ANKIB1: variants seen among roughly 807,000 people sequenced by gnomAD.
ANKIB1 encodes ankyrin repeat and IBR domain containing 1, also known as ankyrin repeat and IBR domain-containing protein 1.
Under a neutral mutation model 122.1 loss-of-function variants are expected in ANKIB1, and 43 were observed. The ratio of observed to expected loss-of-function variants is 0.35; its 90% confidence interval spans 0.28 to 0.45. The LOEUF is 0.45. Among genes scored for constraint, ANKIB1 ranks in the 20% least tolerant of loss-of-function variants. The pLI, the probability that ANKIB1 is intolerant of heterozygous loss-of-function variation, is 1.00. For missense variants in ANKIB1, 992 were observed against 1,329.5 expected (o/e 0.75, Z 3.95); for synonymous variants, 390 against 442.0 (o/e 0.88, Z 1.48).
chr7:92,323,417 T>C (rs1463995392), intron 4 of ANKIB1, among the ~76,000 whole-genome samples: 1 of 152,188 alleles, frequency 6.6e-6, no homozygotes, highest in African/African-American at 2.4e-5. Flanking sequence ...AAGAGAACTT[T>C]GTGTATTTTT....
chr7:92,260,211 A>G (rs1801532257), intron 1 of ANKIB1, among the ~76,000 whole-genome samples: 1 of 152,010 alleles, frequency 6.6e-6, no homozygotes, highest in Non-Finnish European at 1.5e-5. Context: ...TCTTGAGTTC[A>G]TATCCTACTA....
chr7:92,370,279 C>T (rs565177123), intron 10 of ANKIB1, among the ~76,000 whole-genome samples: 4 of 151,598 alleles, frequency 2.6e-5, no homozygotes, highest in Non-Finnish European at 2.9e-5. Context: ...GAGGCCGAGG[C>T]GGGCGGATCA....
chr7:92,339,646 G>A (rs544658987), intron 5 of ANKIB1, among the ~76,000 whole-genome samples: 5 of 152,264 alleles, frequency 3.3e-5, no homozygotes, highest in African/African-American at 1.2e-4. Flanking sequence ...ATAGGTACAA[G>A]CTCTGCCCTT....
rs869276384 is a variant in ANKIB1, at chr7:92,309,923, TAAAAAA to T, written c.486+2282_486+2287del. On this transcript the variant is annotated intron_variant, in intron 3 of 19. Transcript: ENST00000265742. ...CTGGGCAACAGAGCGAGACTCCATC[TAAAAAA>T]AAAAAAAAAAAAAATATATATATAT... is the stretch of plus-strand genomic sequence containing the variant. Among the ~76,000 whole-genome samples the T allele has an allele frequency of 5.1e-4, 49 of 96,040 alleles. 3 individuals carry two copies. Among genetic ancestry groups the T allele is most frequent in the Non-Finnish European group, 7.6e-4 (39 of 51,034 alleles). The allele number at this position is 96,040 out of a possible 152,430, so 63.0% of individuals were successfully genotyped here. A position where few individuals can be genotyped will look rare whatever the true frequency, so the allele number is the denominator to read the frequency against.
At chr7:92,370,029 G>A (rs1468047212) in intron 10 of ANKIB1, among the ~76,000 whole-genome samples, 1 of 152,188 alleles carries the variant, frequency 6.6e-6, no homozygotes, top group East Asian at 1.9e-4. Flanking sequence ...AGTTTGATTA[G>A]GGATGGAGGG....
intron 1 of ANKIB1, among the ~76,000 whole-genome samples, chr7:92,286,582 C>T (rs770401464): frequency 2.7e-5 from 4 of 150,712 alleles, no homozygotes; most frequent in Non-Finnish European, 5.9e-5. Flanking sequence ...TGGGTTTAAT[C>T]GATTCTCCTG....
chr7:92,322,525 T>C (rs1802933654), intron 4 of ANKIB1, among the ~76,000 whole-genome samples: 1 of 152,116 alleles, frequency 6.6e-6, no homozygotes, highest in Admixed American at 6.6e-5. Context: ...TGTAAAATAA[T>C]TTCTTCATCC....
intron 11 of ANKIB1, among the ~76,000 whole-genome samples, chr7:92,382,188 ACTAT>A (rs1804531442): frequency 6.6e-6 from 1 of 152,232 alleles, no homozygotes; most frequent in South Asian, 2.1e-4. Context: ...AGAAGAGCTA[ACTAT>A]CCTAAATATA....
chr7:92,365,788 C>CTTTTTTTT (rs59131137), intron 10 of ANKIB1, among the ~76,000 whole-genome samples: 2 of 58,298 alleles, frequency 3.4e-5, no homozygotes, highest in Non-Finnish European at 6.0e-5. Context: ...ATTAAATAAT[C>CTTTTTTTT]TTTTTTTTTT....
chr7:92,337,983 T>C (rs751715198), intron 5 of ANKIB1, among the ~76,000 whole-genome samples: 5 of 152,204 alleles, frequency 3.3e-5, no homozygotes, highest in Non-Finnish European at 5.9e-5. Flanking sequence ...TATTGCTATC[T>C]GAATGTGTTT....
chr7:92,371,521 TG>T lies in ANKIB1; in HGVS notation c.1533del (p.Trp511CysfsTer3). 1 of 1,607,184 alleles carries T rather than the reference TG, an allele frequency of 6.2e-7. No individual in the cohort carries two copies. The highest frequency in any genetic ancestry group is 8.5e-7 in the Non-Finnish European group (1 of 1,176,474). On this transcript the variant is annotated frameshift_variant, in exon 11 of 20. Coordinates refer to ENST00000265742, the MANE Select transcript of ANKIB1 (RefSeq NM_019004.2). LOFTEE classifies it high-confidence loss of function. Reference sequence around the variant, plus strand: ...CTACGAGGATGCCGCCAATTGTCTCTGGTTATTAACTAACTCCAAGCCTTGT... The same window carrying T: ...CTACGAGGATGCCGCCAATTGTCTCTGTTATTAACTAACTCCAAGCCTTGT... ...EAYEDAANCL[W>X]LLTNSKPCAN...
At chr7:92,329,279 G>A (rs1199296295) in intron 5 of ANKIB1, among the ~76,000 whole-genome samples, 1 of 151,862 alleles carries the variant, frequency 6.6e-6, no homozygotes, top group African/African-American at 2.4e-5. Context: ...CTTCAATATC[G>A]ATGTTTCTGA....
In ANKIB1 at chr7:92,357,324, T is replaced by C. The variant is rs182747134; in HGVS notation, c.1397+4682T>C. Among the ~76,000 whole-genome samples the C allele has an allele frequency of 5.1e-4, 77 of 152,308 alleles. 1 individual carries two copies. The East Asian group carries it at 0.013, about 26-fold the overall frequency. On this transcript the variant is annotated intron_variant, in intron 9 of 19. Coordinates refer to ENST00000265742, the MANE Select transcript of ANKIB1 (RefSeq NM_019004.2). ...TGTCTCTGGCTGAGATTCAGTATGC[T>C]GTGTCCTGAGATTCCCCTCCCCATA...
chr7:92,398,228 A>G lies in ANKIB1; in HGVS notation c.2549A>G (p.Asp850Gly). The G allele has an allele frequency of 6.3e-7, 1 of 1,592,734 alleles. No individual in the cohort carries two copies. The highest frequency in any genetic ancestry group is 1.1e-5 in the South Asian group (1 of 87,522). ...TTGCTTCAGGCTCTGAGTTCCTTGG[A>G]TGAAGACGATCCCAATATACTTCTT... ...QDSLQALSSL[D>G]EDDPNILLAI... The change falls in exon 20 of 20, where the codon GAT becomes GGT. Residue 850 changes from aspartate to glycine, a missense_variant. Around this residue, in one of 4 missense-constraint regions of ANKIB1, gnomAD observed 384 missense variants for 412.0 expected, o/e 0.93. Transcript: ENST00000265742.
At chr7:92,376,079 T>C (rs1201444973) in intron 11 of ANKIB1, among the ~76,000 whole-genome samples, 1 of 152,218 alleles carries the variant, frequency 6.6e-6, no homozygotes, top group Non-Finnish European at 1.5e-5. Context: ...CATAAACAGA[T>C]GGGCTGCCAT....
In ANKIB1 at chr7:92,398,855, G is replaced by T; in HGVS notation, c.3176G>T (p.Gly1059Val). 1 of 1,605,002 alleles carries T rather than the reference G, an allele frequency of 6.2e-7. No individual in the cohort carries two copies. The highest frequency in any genetic ancestry group is 8.5e-7 in the Non-Finnish European group (1 of 1,175,488). The change falls in exon 20 of 20, where the codon GGT (glycine) becomes GTT (valine). Residue 1059 changes from glycine (G) to valine (V), a missense_variant. Physicochemically the swap from Gly to Val is moderately radical, Grantham distance 109 (BLOSUM62 -3). Around this residue, in one of 4 missense-constraint regions of ANKIB1, gnomAD observed 384 missense variants for 412.0 expected, o/e 0.93. Transcript: ENST00000265742. ...GCAGCATCTCAAGCTGGTGACAGTG[G>T]TAACGAGGCAGCCAACAGAGGAGAT... is the stretch of plus-strand genomic sequence containing the variant. ...GEAASQAGDSGNEAANRGDGS... is the reference protein window; with the variant it reads ...GEAASQAGDSVNEAANRGDGS...
At chr7:92,354,972 C>CTA (rs1803762413) in intron 9 of ANKIB1, among the ~76,000 whole-genome samples, 1 of 152,170 alleles carries the variant, frequency 6.6e-6, no homozygotes. Flanking sequence ...TTTTCAAGAA[C>CTA]TATATATGAC....
chr7:92,335,562 T>G (rs569801852), intron 5 of ANKIB1, among the ~76,000 whole-genome samples: 1 of 152,142 alleles, frequency 6.6e-6, no homozygotes, highest in African/African-American at 2.4e-5. Flanking sequence ...AACTCTCATA[T>G]TAGGCTCATA....
intron 4 of ANKIB1, among the ~76,000 whole-genome samples, chr7:92,326,688 A>C (rs1803034068): frequency 6.6e-6 from 1 of 152,218 alleles, no homozygotes; most frequent in Non-Finnish European, 1.5e-5. Flanking sequence ...AATTAGCTTA[A>C]AAGCAAATTG....
Sources: allele counts gnomAD v4.1 joint callset (sites outside exome capture counted in the v4.1 genomes callset), GRCh38; gene constraint gnomAD v4.1.1; regional missense constraint gnomAD v4.1.1; transcripts MANE v1.5; gene names NCBI Gene and HGNC (gene_info 2026-07-23, HGNC 2026-07-21).